The following TSNAX variants were observed in gnomAD, a reference collection of about 807,000 sequenced individuals.
TSNAX encodes the protein translin associated factor X.
A neutral mutation model predicts 33.0 loss-of-function variants in TSNAX; 12 were observed. That is an observed-to-expected ratio of 0.36 (90% confidence interval 0.23 to 0.59). The LOEUF (loss-of-function observed/expected upper bound fraction) is 0.59. Ranked by LOEUF, TSNAX falls within the 20% of genes least tolerant of loss-of-function variation. TSNAX has a pLI of 0.74. For synonymous variants in TSNAX, 110 were observed against 117.2 expected (o/e 0.94, Z 0.40); for missense variants, 267 against 341.3 (o/e 0.78, Z 1.72).
intron 4 of TSNAX, among the ~76,000 whole-genome samples, chr1:231,545,976 C>G (rs182413045): frequency 2.0e-5 from 3 of 152,348 alleles, no homozygotes; most frequent in African/African-American, 7.2e-5. Context: ...AACTTTACAA[C>G]CTAACTCCTA....
chr1:231,538,716 G>A (rs924021213), intron 3 of TSNAX, among the ~76,000 whole-genome samples: 11 of 151,980 alleles, frequency 7.2e-5, no homozygotes, highest in Non-Finnish European at 2.9e-5. Flanking sequence ...ATTATTGCCC[G>A]GGCATGGTGG....
intron 3 of TSNAX, among the ~76,000 whole-genome samples, chr1:231,539,966 C>G (rs1208795200): frequency 6.6e-6 from 1 of 152,110 alleles, no homozygotes; most frequent in Non-Finnish European, 1.5e-5. Context: ...AGGCAGATCA[C>G]TTGAGGTCAG....
chr1:231,533,058 C>T (rs1255760443), intron 2 of TSNAX, among the ~76,000 whole-genome samples: 1 of 150,634 alleles, frequency 6.6e-6, no homozygotes, highest in African/African-American at 2.4e-5. Flanking sequence ...AAAGGGATTT[C>T]ATGGGAAGTC....
At chr1:231,562,225 TA>T (rs1196989492) in intron 5 of TSNAX, among the ~76,000 whole-genome samples, 1 of 149,208 alleles carries the variant, frequency 6.7e-6, no homozygotes, top group African/African-American at 2.4e-5. Context: ...TTAATTATTT[TA>T]AAAATTTTCT....
intron 4 of TSNAX, among the ~76,000 whole-genome samples, chr1:231,553,685 T>TC (rs903269539): frequency 6.0e-5 from 9 of 150,592 alleles, no homozygotes; most frequent in Non-Finnish European, 1.2e-4. Flanking sequence ...TTCTTTCCTT[T>TC]TTTTTTTTTT....
chr1:231,539,944 G>T (rs1471454711), intron 3 of TSNAX, among the ~76,000 whole-genome samples: 1 of 152,134 alleles, frequency 6.6e-6, no homozygotes, highest in Non-Finnish European at 1.5e-5. Flanking sequence ...CAGCACTTTG[G>T]GAGGCCAAGG....
At chr1:231,554,852 T>C (rs938322720) in intron 4 of TSNAX, among the ~76,000 whole-genome samples, 13 of 152,192 alleles carry the variant, frequency 8.5e-5, no homozygotes, top group Non-Finnish European at 1.6e-4. Context: ...CTAGAAACTT[T>C]CACTATTTAC....
intron 4 of TSNAX, among the ~76,000 whole-genome samples, chr1:231,560,181 A>G (rs907450982): frequency 7.9e-5 from 12 of 151,224 alleles, no homozygotes; most frequent in Non-Finnish European, 1.3e-4. Flanking sequence ...TGGTTTCACC[A>G]TGTTAGCCAG....
rs138926698 is a variant in TSNAX, at chr1:231,543,831, T to A, written c.367+1220T>A. ...AGTCTGCCATCATAATTTATTAATA[T>A]CAGGGGTTTATTTGATTTCTTAATA... On this transcript the variant is annotated intron_variant, in intron 4 of 5. Transcript: ENST00000366639. Among the ~76,000 whole-genome samples the A allele has an allele frequency of 4.0e-3, 610 of 152,284 alleles. 6 individuals carry two copies. Among genetic ancestry groups the A allele is most frequent in the African/African-American group, 0.014 (602 of 41,542 alleles).
intron 3 of TSNAX, among the ~76,000 whole-genome samples, chr1:231,538,481 A>C (rs1659339552): frequency 6.6e-6 from 1 of 152,210 alleles, no homozygotes; most frequent in African/African-American, 2.4e-5. Flanking sequence ...TGTTTGCTTC[A>C]TAATTCATTT....
rs1330999311 is a variant in TSNAX, at chr1:231,565,849, G to A, written c.*944G>A. ...ACAACCTTCCATAAAAATTTGACAG[G>A]TGCCCAGATGTTGCTTTCTCCATTT... On this transcript the variant is annotated 3_prime_UTR_variant, in exon 6 of 6. Transcript: ENST00000366639. 3 of 151,962 alleles carry A rather than the reference G, an allele frequency of 2.0e-5. No individual in the cohort carries two copies. Among genetic ancestry groups the A allele is most frequent in the Non-Finnish European group, 4.4e-5 (3 of 67,992 alleles). 9.4% of individuals were successfully genotyped at this position (151,962 alleles called of 1,614,324 possible). A position where few individuals can be genotyped will look rare whatever the true frequency, so the allele number is the denominator to read the frequency against.
Position 231,564,588 on chromosome 1 carries a change from G to A in TSNAX, c.556G>A (p.Asp186Asn), listed in dbSNP as rs1289941262. 2.5e-6 allele frequency: 4 copies of A among 1,614,016 alleles called. No homozygotes were observed. Among genetic ancestry groups the A allele is most frequent in the African/African-American group, 1.3e-5 (1 of 74,978 alleles). Residue 186 changes from aspartate to asparagine, a missense_variant, in exon 6 of 6, where the codon GAT (aspartate) becomes AAT (asparagine). By Grantham distance (23) the Asp-to-Asn change is conservative. Coordinates refer to ENST00000366639, the MANE Select transcript of TSNAX (RefSeq NM_005999.3). ...GTWRLRVTPV[D>N]YLLGVADLTG... ...TTGGAGACTGAGAGTCACACCTGTC[G>A]ATTACCTTCTGGGAGTGGCTGACTT...
intron 3 of TSNAX, among the ~76,000 whole-genome samples, chr1:231,542,220 A>G (rs1659618868): frequency 6.6e-6 from 1 of 152,214 alleles, no homozygotes; most frequent in Admixed American, 6.5e-5. Flanking sequence ...CCTTACTGAA[A>G]GCAGACATTT....
chr1:231,542,916 C>T (rs569203091), intron 4 of TSNAX: 3 of 172,544 alleles, frequency 1.7e-5, no homozygotes, highest in South Asian at 1.5e-4. Flanking sequence ...TGGTGGCTCA[C>T]GCCTGTAATC....
chr1:231,546,476 G>A (rs1489623208), intron 4 of TSNAX, among the ~76,000 whole-genome samples: 4 of 152,168 alleles, frequency 2.6e-5, no homozygotes, highest in African/African-American at 9.7e-5. Flanking sequence ...CAGCATATTG[G>A]CAAAATTGTG....
At chr1:231,535,998 G>C (rs1201193628) in intron 2 of TSNAX, 1 of 152,136 alleles carries the variant, frequency 6.6e-6, no homozygotes, top group African/African-American at 2.4e-5. Context: ...GCCTTTCATC[G>C]ATCTCAGGAA....
chr1:231,544,985 T>C (rs1659810415), intron 4 of TSNAX, among the ~76,000 whole-genome samples: 1 of 152,200 alleles, frequency 6.6e-6, no homozygotes, highest in African/African-American at 2.4e-5. Context: ...GATAACTTAC[T>C]CATGGATTAA....
intron 2 of TSNAX, among the ~76,000 whole-genome samples, chr1:231,531,204 C>T (rs552726188): frequency 6.6e-5 from 10 of 152,126 alleles, no homozygotes; most frequent in African/African-American, 2.4e-4. Context: ...GCAGTCTGCC[C>T]GTCTCGGCCT....
At chr1:231,560,559 C>CA (rs1661035050) in intron 4 of TSNAX, among the ~76,000 whole-genome samples, 1 of 151,330 alleles carries the variant, frequency 6.6e-6, no homozygotes, top group Non-Finnish European at 1.5e-5. Flanking sequence ...GGATTACGGG[C>CA]TCCTGCCACC....
Sources: gnomAD v4.1 joint callset for allele counts (sites outside exome capture counted in the v4.1 genomes callset) on GRCh38, gnomAD v4.1.1 for gene constraint, MANE v1.5 for transcripts, NCBI Gene and HGNC (gene_info 2026-07-23, HGNC 2026-07-21) for gene names.